Variants in NAV3 observed in about 807,000 individuals in gnomAD.
The protein encoded by NAV3 is pore membrane and/or filament interacting like protein 1.
NAV3 carries 87 observed loss-of-function variants against 244.7 expected under a neutral mutation model. The ratio of observed to expected loss-of-function variants is 0.36; its 90% CI spans 0.30 to 0.42. The LOEUF is 0.42. Among genes scored for constraint, NAV3 ranks in the 20% least tolerant of loss-of-function variants. NAV3 has a pLI of 1.00. For missense variants in NAV3, 2,663 were observed against 2,893.3 expected, an observed-to-expected ratio of 0.92 and a Z score of 1.83; for synonymous variants, 1,126 against 1,042.2, an observed-to-expected ratio of 1.08 and a Z score of -1.55.
At chr12:77,758,645 T>C (rs1869312346) in intron 2 of NAV3, among the ~76,000 whole-genome samples, 1 of 152,212 alleles carries the variant, frequency 6.6e-6, no homozygotes, top group African/African-American at 2.4e-5. Flanking sequence ...GTACAAAATA[T>C]GTGTTATAAT....
Position 78,205,110 on chromosome 12 carries a change from C to T in NAV3, c.7010C>T (p.Pro2337Leu), listed in dbSNP as rs1022464871. ...GAAGCCACAACCTCAAAGCACATTC[C>T]GCAAACTGACACAGAAGGAGATCCC... The part of the protein sequence containing the change: ...TKEATTSKHI[P>L]QTDTEGDPLM... The change falls in exon 39 of 40, where the codon CCG (proline) becomes CTG (leucine). Residue 2337 changes from proline to leucine, a missense_variant. Pro to Leu is a moderately conservative substitution (Grantham distance 98). Coordinates refer to ENST00000397909, the MANE Select transcript of NAV3 (RefSeq NM_001024383.2). The T allele has an allele frequency of 1.6e-5, 26 of 1,613,266 alleles. No individual in the cohort carries two copies. Among genetic ancestry groups the T allele is most frequent in the Non-Finnish European group, 5.9e-6 (7 of 1,179,712 alleles).
intron 1 of NAV3, among the ~76,000 whole-genome samples, chr12:77,906,678 T>G (rs1340033156): frequency 6.6e-6 from 1 of 152,122 alleles, no homozygotes; most frequent in African/African-American, 2.4e-5. Flanking sequence ...ACATGTTTCT[T>G]GATCTCCCTT....
At chr12:77,614,560 T>A (rs1229334683) in intron 2 of NAV3, among the ~76,000 whole-genome samples, 1 of 152,176 alleles carries the variant, frequency 6.6e-6, no homozygotes, top group African/African-American at 2.4e-5. Context: ...GCAGGCACTG[T>A]CCTATGCAAT....
rs1960991093 is a variant in NAV3 at position 78,212,892 on chromosome 12, C to A, written c.*2375C>A. ...TGGACTTAACTGGATGATGTATTTT[C>A]TATTGGTTTATTGTTCCTCTAGCTT... On this transcript the variant is annotated 3_prime_UTR_variant, in exon 40 of 40. Coordinates refer to ENST00000397909, the MANE Select transcript of NAV3 (RefSeq NM_001024383.2). 6.6e-6 allele frequency: 1 copy of A among 152,530 alleles called. No individual in the cohort carries two copies. The highest frequency in any genetic ancestry group is 2.4e-5 in the African/African-American group (1 of 41,432). 9.4% of individuals were successfully genotyped at this position (152,530 alleles called of 1,614,324 possible). A position where few individuals can be genotyped will look rare whatever the true frequency, so the allele number is the denominator to read the frequency against.
At position 77,879,367 on chromosome 12, in the gene NAV3, T is replaced by G. The variant is rs1167978231; in HGVS notation, c.243+47663T>G. On this transcript the variant is annotated intron_variant, in intron 1 of 39. Coordinates refer to ENST00000397909, the MANE Select transcript of NAV3 (RefSeq NM_001024383.2). ...GGGCTATATAGGCTGAATTATATCA[T>G]GCATATGAAAATTATTTCAGGCTGG... Among the ~76,000 whole-genome samples the G allele has an allele frequency of 3.3e-5, 5 of 152,050 alleles. No individual in the cohort carries two copies. The South Asian group carries it at 8.3e-4, about 25-fold the overall frequency.
intron 1 of NAV3, among the ~76,000 whole-genome samples, chr12:77,901,512 C>G (rs1885288636): frequency 6.6e-6 from 1 of 152,006 alleles, no homozygotes; most frequent in African/African-American, 2.4e-5. Flanking sequence ...GAGTTTGAGA[C>G]CAGCCTGGCC....
At chr12:77,674,918 T>C (rs1182476156) in intron 2 of NAV3, among the ~76,000 whole-genome samples, 1 of 152,202 alleles carries the variant, frequency 6.6e-6, no homozygotes, top group African/African-American at 2.4e-5. Context: ...TGAACTGTAC[T>C]AAGTGCCACA....
intron 12 of NAV3, among the ~76,000 whole-genome samples, chr12:78,077,517 G>A (rs1953111314): frequency 6.6e-6 from 1 of 152,216 alleles, no homozygotes; most frequent in Admixed American, 6.5e-5. Flanking sequence ...GCCATAGTTT[G>A]CTGACTCCCA....
intron 2 of NAV3, among the ~76,000 whole-genome samples, chr12:77,657,251 G>T (rs887398380): frequency 2.0e-5 from 3 of 151,992 alleles, no homozygotes; most frequent in Non-Finnish European, 2.9e-5. Flanking sequence ...TCAACTAGAC[G>T]CAATAAAAAA....
At chr12:77,622,405 C>T (rs1052674433) in intron 2 of NAV3, among the ~76,000 whole-genome samples, 3 of 151,986 alleles carry the variant, frequency 2.0e-5, no homozygotes, top group South Asian at 2.1e-4. Flanking sequence ...GTGATCTGCC[C>T]GCCTCAGCCT....
intron 12 of NAV3, among the ~76,000 whole-genome samples, chr12:78,099,944 T>A (rs1222856161): frequency 6.6e-6 from 1 of 151,930 alleles, no homozygotes; most frequent in East Asian, 1.9e-4. Flanking sequence ...GAACAAGAGC[T>A]TTCCATTTTT....
rs150567353 is a variant in NAV3, at chr12:77,838,819, A to G, written c.243+7115A>G. On this transcript the variant is annotated intron_variant, in intron 1 of 39. Transcript: ENST00000397909. Reference sequence around the variant, plus strand: ...TTGAATTAAACTTATGCTAGATCCTAAAAGTGTAAATCATTTAAACTCTCT... The same window carrying G: ...TTGAATTAAACTTATGCTAGATCCTGAAAGTGTAAATCATTTAAACTCTCT... Among the ~76,000 whole-genome samples the G allele has an allele frequency of 4.2e-3, 638 of 152,376 alleles. 5 individuals carry two copies. The highest frequency in any genetic ancestry group is 0.012 in the South Asian group (57 of 4,828).
intron 9 of NAV3, among the ~76,000 whole-genome samples, chr12:78,024,760 G>A (rs752731155): frequency 6.6e-5 from 10 of 152,152 alleles, no homozygotes; most frequent in African/African-American, 2.2e-4. Context: ...GGCAGATCAC[G>A]AGGTCAGGAG....
intron 2 of NAV3, among the ~76,000 whole-genome samples, chr12:77,696,295 C>T (rs980822055): frequency 1.3e-5 from 2 of 152,126 alleles, no homozygotes; most frequent in African/African-American, 2.4e-5. Context: ...CTGTGACTTC[C>T]GTCTTGCTAG....
chr12:78,007,154 A>T lies in NAV3; in HGVS notation c.1616A>T (p.Gln539Leu), dbSNP rs754991804. The T allele has an allele frequency of 6.8e-6, 11 of 1,614,054 alleles. No individual in the cohort carries two copies. Among genetic ancestry groups the T allele is most frequent in the Non-Finnish European group, 9.3e-6 (11 of 1,180,048 alleles). The change falls in exon 8 of 40, where the codon CAA (glutamine) becomes CTA (leucine). Residue 539 changes from glutamine (Q) to leucine (L), a missense_variant. Gln to Leu is a moderately radical substitution (Grantham distance 113). This residue lies in a region of NAV3 where 1,521 missense variants were observed against 1,497.0 expected (regional missense o/e 1.02). Coordinates refer to ENST00000397909, the MANE Select transcript of NAV3 (RefSeq NM_001024383.2). ...GGCTCTAAAGTTCCAACAGTAAAGC[A>T]AACCATTTCACCTGGCAGCACAGCA... ...KPGSKVPTVK[Q>L]TISPGSTASK...
chr12:77,955,723 A>T (rs1417157967), intron 3 of NAV3, among the ~76,000 whole-genome samples: 1 of 152,040 alleles, frequency 6.6e-6, no homozygotes, highest in African/African-American at 2.4e-5. Context: ...TACAAAAATT[A>T]ACCTAGCATG....
At chr12:78,185,720 CT>C in intron 31 of NAV3, 22 bp downstream of exon 31, 1 of 1,572,942 alleles carries the variant, frequency 6.4e-7, no homozygotes, top group Non-Finnish European at 8.7e-7. Flanking sequence ...ATCTTAAACT[CT>C]TTATTACTAA....
At chr12:77,782,847 C>T (rs1198340314) in intron 2 of NAV3, among the ~76,000 whole-genome samples, 1 of 152,100 alleles carries the variant, frequency 6.6e-6, no homozygotes, top group African/African-American at 2.4e-5. Context: ...TGAAAGAATA[C>T]TTTAATTTTT....
At chr12:77,655,488 C>G (rs1565756076) in intron 2 of NAV3, among the ~76,000 whole-genome samples, 3 of 152,134 alleles carry the variant, frequency 2.0e-5, no homozygotes, top group Admixed American at 6.5e-5. Flanking sequence ...GATTGGTGTA[C>G]CTGAAAGTGA....
Sources: allele counts gnomAD v4.1 joint callset (sites outside exome capture counted in the v4.1 genomes callset), GRCh38; gene constraint gnomAD v4.1.1; regional missense constraint gnomAD v4.1.1; transcripts MANE v1.5; gene names NCBI Gene and HGNC (gene_info 2026-07-23, HGNC 2026-07-21).